LRCH1: variants seen among roughly 807,000 people sequenced by gnomAD.
LRCH1 encodes leucine-rich repeat and calponin homology domain-containing protein 1.
LRCH1 carries 23 observed loss-of-function variants against 94.9 expected under a neutral mutation model. That is an observed-to-expected ratio of 0.24 (90% CI 0.17 to 0.34). The LOEUF is 0.34. Ranked by LOEUF, LRCH1 falls within the 10% of genes least tolerant of loss-of-function variation. The pLI is 1.00. For missense variants in LRCH1, 790 were observed against 945.9 expected (o/e 0.84, Z 2.16); for synonymous variants, 364 against 354.9 (o/e 1.03, Z -0.29).
chr13:46,675,351 G>T (rs9595511), intron 3 of LRCH1, among the ~76,000 whole-genome samples: 3,375 of 151,106 alleles, frequency 0.022, 134 homozygotes, highest in African/African-American at 0.078. Flanking sequence ...GTCCAGAGAT[G>T]TTTTTTTTTC....
chr13:46,696,805 C>A (rs1222412453), intron 9 of LRCH1, among the ~76,000 whole-genome samples: 2 of 152,154 alleles, frequency 1.3e-5, no homozygotes, highest in East Asian at 3.9e-4. Context: ...CGGAGTGAAT[C>A]ACACCTGTAA....
chr13:46,743,732 G>T lies in LRCH1; in HGVS notation c.*1884G>T. 1.2e-6 allele frequency: 1 copy of T among 853,514 alleles called. No individual in the cohort carries two copies. The highest frequency in any genetic ancestry group is 5.9e-5 in the South Asian group (1 of 17,026). The allele number at this position is 853,514 out of a possible 1,614,324, so 52.9% of individuals were successfully genotyped here. ...TTTCCCTTCTTTCTGGGGAGAAAAT[G>T]GGAAAAAAAAAAAGAAAACTTACTG... On this transcript the variant is annotated 3_prime_UTR_variant, in exon 20 of 20. Coordinates refer to ENST00000389797, the MANE Select transcript of LRCH1 (RefSeq NM_001164211.2).
intron 1 of LRCH1, among the ~76,000 whole-genome samples, chr13:46,561,042 T>C (rs1002707469): frequency 3.9e-5 from 6 of 152,218 alleles, no homozygotes; most frequent in African/African-American, 7.2e-5. Context: ...CTGTTCACTG[T>C]TTTTCCTAAC....
At chr13:46,691,391 G>T (rs1009887899) in intron 7 of LRCH1, among the ~76,000 whole-genome samples, 1 of 152,214 alleles carries the variant, frequency 6.6e-6, no homozygotes, top group Non-Finnish European at 1.5e-5. Context: ...TACTACAGTT[G>T]TTTAGCATTT....
intron 16 of LRCH1, among the ~76,000 whole-genome samples, chr13:46,721,583 C>G (rs562936560): frequency 6.6e-6 from 1 of 152,306 alleles, no homozygotes; most frequent in African/African-American, 2.4e-5. Flanking sequence ...GTCACTCTGT[C>G]CTTTTACTGA....
At chr13:46,571,920 G>C (rs887953622) in intron 1 of LRCH1, among the ~76,000 whole-genome samples, 1 of 152,090 alleles carries the variant, frequency 6.6e-6, no homozygotes, top group Non-Finnish European at 1.5e-5. Context: ...GGGAGGGAGA[G>C]AGAGAGAGAG....
At chr13:46,749,733 C>T (rs1874050120), downstream of LRCH1, among the ~76,000 whole-genome samples, 1 of 152,038 alleles carries the variant, frequency 6.6e-6, no homozygotes. Context: ...GGAGACACAC[C>T]CTGGAAGAAG....
At position 46,741,957 on chromosome 13, in the gene LRCH1, G is replaced by A; in HGVS notation, c.*109G>A. On this transcript the variant is annotated 3_prime_UTR_variant, in exon 20 of 20. Coordinates refer to ENST00000389797, the MANE Select transcript of LRCH1 (RefSeq NM_001164211.2). Reference sequence around the variant, plus strand: ...AACTTCCATCCCTGTCATGTCTTCAGTTATCTCTCGAGTTTTGAAGCTGAA... The same window carrying A: ...AACTTCCATCCCTGTCATGTCTTCAATTATCTCTCGAGTTTTGAAGCTGAA... 2 of 1,555,886 alleles carry A rather than the reference G, an allele frequency of 1.3e-6. No homozygotes were observed. Among genetic ancestry groups the A allele is most frequent in the Non-Finnish European group, 1.7e-6 (2 of 1,155,008 alleles).
At chr13:46,647,964 G>T (rs2051244237) in intron 1 of LRCH1, among the ~76,000 whole-genome samples, 1 of 152,056 alleles carries the variant, frequency 6.6e-6, no homozygotes, top group Admixed American at 6.6e-5. Context: ...CCCCAGACCG[G>T]GGTGGGGGAT....
At chr13:46,678,268 C>A (rs2051703838) in intron 3 of LRCH1, among the ~76,000 whole-genome samples, 1 of 152,194 alleles carries the variant, frequency 6.6e-6, no homozygotes, top group South Asian at 2.1e-4. Context: ...AACACCTAGA[C>A]TATTATCTCC....
intron 10 of LRCH1, 30 bp downstream of exon 10, chr13:46,699,433 T>G: frequency 6.2e-7 from 1 of 1,601,032 alleles, no homozygotes; most frequent in Non-Finnish European, 8.6e-7. Flanking sequence ...TTACAAGCCA[T>G]CATCACTCAA....
intron 19 of LRCH1, among the ~76,000 whole-genome samples, chr13:46,737,645 GAT>G (rs1192645861): frequency 6.6e-6 from 1 of 152,164 alleles, no homozygotes; most frequent in Non-Finnish European, 1.5e-5. Context: ...AATTCTTTGG[GAT>G]ATATTTTCTG....
At chr13:46,658,316 G>A (rs1593330776) in intron 2 of LRCH1, among the ~76,000 whole-genome samples, 1 of 152,118 alleles carries the variant, frequency 6.6e-6, no homozygotes, top group South Asian at 2.1e-4. Context: ...TTGATTACCA[G>A]TGATTTTTTC....
At chr13:46,645,580 C>T (rs2051210163) in intron 1 of LRCH1, among the ~76,000 whole-genome samples, 1 of 152,140 alleles carries the variant, frequency 6.6e-6, no homozygotes, top group Non-Finnish European at 1.5e-5. Flanking sequence ...TGTTAGAACT[C>T]ATCTAGTTGT....
Position 46,681,729 on chromosome 13 carries a change from CT to C in LRCH1, c.580-8del. The C allele has an allele frequency of 6.4e-7, 1 of 1,569,406 alleles. No individual in the cohort carries two copies. Among genetic ancestry groups the C allele is most frequent in the Non-Finnish European group, 8.8e-7 (1 of 1,139,408 alleles). On this transcript the variant is annotated splice_polypyrimidine_tract_variant and intron_variant, in intron 3 of 19. Coordinates refer to ENST00000389797, the MANE Select transcript of LRCH1 (RefSeq NM_001164211.2). ...AAGATGTTTATTATTTCTCTCTCTGCTTTTGATACAGGATGTCAGCTGCAAC... is the reference window on the plus strand; with the variant it reads ...AAGATGTTTATTATTTCTCTCTCTGCTTTGATACAGGATGTCAGCTGCAAC...
intron 16 of LRCH1, chr13:46,717,285 A>C (rs1872369529): frequency 6.6e-6 from 1 of 152,224 alleles, no homozygotes; most frequent in Admixed American, 6.5e-5. Flanking sequence ...TTTCCACAGA[A>C]AATAATCATT....
chr13:46,558,598 A>AAAAAAAAAAAAAAAAAAAAAAAAAAG (rs2050094662), intron 1 of LRCH1, among the ~76,000 whole-genome samples: 1 of 143,678 alleles, frequency 7.0e-6, no homozygotes, highest in African/African-American at 2.6e-5. Context: ...AAAAAAAAAA[A>AAAAAAAAAAAAAAAAAAAAAAAAAAG]GCTGGGTTCC....
chr13:46,608,213 A>G (rs975047797), intron 1 of LRCH1, among the ~76,000 whole-genome samples: 2 of 152,188 alleles, frequency 1.3e-5, no homozygotes, highest in African/African-American at 4.8e-5. Context: ...TTGCATTCAC[A>G]CGAGTCACAG....
Position 46,625,531 on chromosome 13 carries a change from G to C in LRCH1, c.308-24670G>C, listed in dbSNP as rs573883219. On this transcript the variant is annotated intron_variant, in intron 1 of 19. Coordinates refer to ENST00000389797, the MANE Select transcript of LRCH1 (RefSeq NM_001164211.2). ...TGAGAAAACATCTGTGAAGCAGAAA[G>C]TGGGGTCCTCACCAGACACATAATC... is the stretch of plus-strand genomic sequence containing the variant. Among the ~76,000 whole-genome samples, 8 of 152,108 alleles carry C rather than the reference G, an allele frequency of 5.3e-5. No homozygotes were observed. The East Asian group carries it at 1.5e-3, about 29-fold the overall frequency.
Sources: allele counts gnomAD v4.1 joint callset (sites outside exome capture counted in the v4.1 genomes callset), GRCh38; gene constraint gnomAD v4.1.1; transcripts MANE v1.5; gene names NCBI Gene and HGNC (gene_info 2026-07-23, HGNC 2026-07-21).